Variants in DCAF6 observed in about 807,000 individuals in gnomAD.
DCAF6 encodes the protein DDB1 and CUL4 associated factor 6.
In DCAF6, 54 loss-of-function variants were observed where a neutral mutation model predicts 125.1. That is an observed-to-expected ratio of 0.43 (90% CI 0.35 to 0.54). DCAF6 has a LOEUF of 0.54. Among genes scored for constraint, DCAF6 ranks in the 20% least tolerant of loss-of-function variants. The pLI is 0.01. For missense variants in DCAF6, 934 were observed against 1,161.7 expected, an observed-to-expected ratio of 0.80 and a Z score of 2.85; for synonymous variants, 371 against 390.4, an observed-to-expected ratio of 0.95 and a Z score of 0.58.
intron 10 of DCAF6, among the ~76,000 whole-genome samples, chr1:168,008,111 A>C (rs1683614427): frequency 6.6e-6 from 1 of 151,714 alleles, no homozygotes; most frequent in African/African-American, 2.4e-5. Flanking sequence ...CTGGGATTAC[A>C]GGTTCCTGCC....
At chr1:167,956,621 G>T (rs1239087602) in intron 2 of DCAF6, among the ~76,000 whole-genome samples, 1 of 151,946 alleles carries the variant, frequency 6.6e-6, no homozygotes, top group East Asian at 1.9e-4. Flanking sequence ...TTTGCTCTTT[G>T]TTTTGTAATT....
chr1:167,993,534 G>A (rs993319326), intron 7 of DCAF6, 94 bp downstream of exon 7: 4 of 985,834 alleles, frequency 4.1e-6, no homozygotes, highest in Non-Finnish European at 6.1e-6. Context: ...TGGATCACCT[G>A]CGGTTGGGAG....
At chr1:168,033,409 G>A (rs1199892601) in intron 12 of DCAF6, among the ~76,000 whole-genome samples, 1 of 147,644 alleles carries the variant, frequency 6.8e-6, no homozygotes, top group Non-Finnish European at 1.5e-5. Flanking sequence ...TCCGCCTCCC[G>A]GGTTCACGCC....
the DCAF6 span, among the ~76,000 whole-genome samples, chr1:167,905,508 C>T: frequency 6.6e-6 from 1 of 152,014 alleles, no homozygotes; most frequent in African/African-American, 2.4e-5. Context: ...GGCTGTTAAG[C>T]TCTATTCACT....
chr1:167,979,327 AT>A (rs923182189), intron 4 of DCAF6, among the ~76,000 whole-genome samples: 8 of 149,330 alleles, frequency 5.4e-5, no homozygotes, highest in Admixed American at 2.0e-4. Flanking sequence ...TTAGCATAGA[AT>A]TTTTTTTTTT....
intron 2 of DCAF6, among the ~76,000 whole-genome samples, chr1:167,957,262 A>G (rs1674924340): frequency 1.3e-5 from 2 of 152,042 alleles, no homozygotes; most frequent in East Asian, 3.9e-4. Flanking sequence ...ATCAGTCACC[A>G]TTTCCCCTCT....
chr1:168,022,614 G>A (rs1465677276), intron 11 of DCAF6, among the ~76,000 whole-genome samples: 3 of 152,190 alleles, frequency 2.0e-5, no homozygotes, highest in Non-Finnish European at 4.4e-5. Flanking sequence ...CTCCAAGGCA[G>A]GATGAAAACC....
chr1:168,049,444 T>TG (rs1689586590), intron 16 of DCAF6, among the ~76,000 whole-genome samples: 1 of 147,260 alleles, frequency 6.8e-6, no homozygotes, highest in East Asian at 2.0e-4. Context: ...TTTTTTTTTT[T>TG]TTTTTTTTAG....
chr1:167,871,856 T>A, the DCAF6 span, among the ~76,000 whole-genome samples: 1 of 152,212 alleles, frequency 6.6e-6, no homozygotes, highest in African/African-American at 2.4e-5. Flanking sequence ...TGAACCTCAA[T>A]TTCGTGAGAT....
upstream of DCAF6, chr1:167,936,647 G>GA: frequency 2.5e-6 from 1 of 401,230 alleles, no homozygotes; most frequent in Admixed American, 4.5e-5. Context: ...CCTCCTGTTG[G>GA]AGGGGGGCTG....
At chr1:168,049,961 ATTT>A (rs543375182) in intron 16 of DCAF6, among the ~76,000 whole-genome samples, 4 of 139,808 alleles carry the variant, frequency 2.9e-5, no homozygotes, top group Admixed American at 1.4e-4. Context: ...AGGCTGTATA[ATTT>A]TTTTTTTTTT....
chr1:167,896,975 CT>C, the DCAF6 span, among the ~76,000 whole-genome samples: 5 of 152,068 alleles, frequency 3.3e-5, no homozygotes, highest in Non-Finnish European at 5.9e-5. Context: ...CTTTTTCCTG[CT>C]TTTTTTCCTT....
Position 167,983,904 on chromosome 1 carries a change from C to T in DCAF6, c.439-3591C>T, listed in dbSNP as rs376608875. ...CTTAAAAGGCAGCTTTTCCAGGGAA[C>T]TTAAGGACAGATTAAATTGTGATAA... is the stretch of plus-strand genomic sequence containing the variant. On this transcript the variant is annotated intron_variant, in intron 4 of 21. Coordinates refer to ENST00000367840, the MANE Select transcript of DCAF6 (RefSeq NM_001198956.2). Among the ~76,000 whole-genome samples, 8 of 152,114 alleles carry T rather than the reference C, an allele frequency of 5.3e-5. No individual in the cohort carries two copies. The East Asian group carries it at 1.3e-3, about 26-fold the overall frequency.
chr1:168,066,883 G>A lies in DCAF6; in HGVS notation c.2685+418G>A, dbSNP rs527460879. Among the ~76,000 whole-genome samples the A allele has an allele frequency of 7.9e-5, 12 of 152,256 alleles. No individual in the cohort carries two copies. The East Asian group carries it at 1.9e-3, about 24-fold the overall frequency. On this transcript the variant is annotated intron_variant, in intron 20 of 21. Transcript: ENST00000367840. Reference sequence around the variant, plus strand: ...TTTGAGTTTTTCTTAAAAAGGAAATGGAACTTTGTTTTTCAGGATTAGTAT... The same window carrying A: ...TTTGAGTTTTTCTTAAAAAGGAAATAGAACTTTGTTTTTCAGGATTAGTAT...
intron 17 of DCAF6, among the ~76,000 whole-genome samples, chr1:168,053,034 C>T (rs1316062611): frequency 1.3e-5 from 2 of 152,170 alleles, no homozygotes; most frequent in Admixed American, 6.5e-5. Context: ...TCTCTGAATA[C>T]ATTATGCTGC....
chr1:167,894,811 A>G, the DCAF6 span, among the ~76,000 whole-genome samples: 1 of 152,164 alleles, frequency 6.6e-6, no homozygotes, highest in Admixed American at 6.5e-5. Flanking sequence ...GGGATCCCAG[A>G]GCTTGCAGCT....
chr1:167,991,136 A>G, intron 5 of DCAF6, 68 bp from the exon 6 acceptor site: 1 of 1,338,434 alleles, frequency 7.5e-7, no homozygotes, highest in Middle Eastern at 2.7e-4. Flanking sequence ...TAATGAGAAA[A>G]TATTTTAAAT....
At position 167,955,807 on chromosome 1, in the gene DCAF6, T is replaced by C. The variant is rs77682570; in HGVS notation, c.159+3946T>C. Among the ~76,000 whole-genome samples, 229 of 152,268 alleles carry C rather than the reference T, an allele frequency of 1.5e-3. 1 individual carries two copies. Among genetic ancestry groups the C allele is most frequent in the Non-Finnish European group, 2.9e-3 (194 of 67,998 alleles). ...ACAGGGTCTCCCTCTGTTTCCCAGA[T>C]TGGAGTGCAGTGGCACAATCATAGC... On this transcript the variant is annotated intron_variant, in intron 2 of 21. Coordinates refer to ENST00000367840, the MANE Select transcript of DCAF6 (RefSeq NM_001198956.2).
At chr1:167,939,629 G>A (rs1397177275) in intron 1 of DCAF6, among the ~76,000 whole-genome samples, 1 of 152,254 alleles carries the variant, frequency 6.6e-6, no homozygotes, top group East Asian at 1.9e-4. Context: ...CGGGAGTGGT[G>A]GCGTACGCCT....
Sources: allele counts gnomAD v4.1 joint callset (sites outside exome capture counted in the v4.1 genomes callset), GRCh38; gene constraint gnomAD v4.1.1; transcripts MANE v1.5; gene names NCBI Gene and HGNC (gene_info 2026-07-23, HGNC 2026-07-21).